The following OTC variants were observed in gnomAD, a reference collection of about 807,000 sequenced individuals.
The protein encoded by OTC is ornithine transcarbamylase.
OTC carries 3 observed loss-of-function variants against 30.3 expected under a neutral mutation model. That is an observed-to-expected ratio of 0.10 (90% CI 0.05 to 0.26). The LOEUF (loss-of-function observed/expected upper bound fraction) is 0.26. Among genes scored for constraint, OTC ranks in the 10% least tolerant of loss-of-function variants. The pLI, the probability that OTC is intolerant of heterozygous loss-of-function variation, is 1.00. For synonymous variants in OTC, 111 were observed against 99.7 expected (o/e 1.11, Z -0.67); for missense variants, 194 against 260.3 (o/e 0.75, Z 1.75).
chrX:38,373,178 C>A (rs1342525414), intron 3 of OTC, among the ~76,000 whole-genome samples: 6 of 112,379 alleles, frequency 5.3e-5, no homozygotes, highest in Non-Finnish European at 1.1e-4. Flanking sequence ...AGAAGCTTCC[C>A]ACTACCCTTC....
At chrX:38,330,168 TA>T in the OTC span, among the ~76,000 whole-genome samples, 1 of 111,461 alleles carries the variant, frequency 9.0e-6, no homozygotes, top group African/African-American at 3.3e-5. Context: ...GTCAGAGAGA[TA>T]CAACAGCGCT....
the OTC span, among the ~76,000 whole-genome samples, chrX:38,341,622 A>T: frequency 5.4e-5 from 6 of 112,101 alleles, no homozygotes; most frequent in Non-Finnish European, 3.8e-5. Flanking sequence ...TCTTCATTAC[A>T]CCGGAAGGCA....
intron 4 of OTC, among the ~76,000 whole-genome samples, chrX:38,381,790 T>G (rs1381340243): frequency 8.9e-6 from 1 of 111,937 alleles, no homozygotes; most frequent in Non-Finnish European, 1.9e-5. Context: ...GTAATAATAT[T>G]AATAACTACT....
At chrX:38,344,388 G>A in the OTC span, among the ~76,000 whole-genome samples, 87 of 110,857 alleles carry the variant, frequency 7.8e-4, 1 homozygote, top group African/African-American at 2.4e-3. Flanking sequence ...AAACAATACC[G>A]TCTCACAACA....
At chrX:38,379,260 A>T (rs112684581) in intron 3 of OTC, among the ~76,000 whole-genome samples, 218 of 111,898 alleles carry the variant, frequency 1.9e-3, no homozygotes, top group African/African-American at 6.7e-3. Flanking sequence ...TCTGTAGATC[A>T]CACTTTGAGC....
chrX:38,384,867 A>G (rs1044341576), intron 4 of OTC, among the ~76,000 whole-genome samples: 3 of 112,733 alleles, frequency 2.7e-5, no homozygotes, highest in African/African-American at 9.7e-5. Context: ...TGCAATTTCC[A>G]TAGTGCCACT....
intron 9 of OTC, among the ~76,000 whole-genome samples, chrX:38,415,050 T>C (rs1339041584): frequency 3.6e-5 from 4 of 110,859 alleles, no homozygotes; most frequent in African/African-American, 1.3e-4. Flanking sequence ...TCCTATTCTA[T>C]AGGCAAATAA....
chrX:38,330,184 G>T, the OTC span, among the ~76,000 whole-genome samples: 1 of 111,768 alleles, frequency 8.9e-6, no homozygotes, highest in Non-Finnish European at 1.9e-5. Flanking sequence ...AGCGCTGGCT[G>T]TGAAGATGAA....
intron 4 of OTC, among the ~76,000 whole-genome samples, chrX:38,384,569 C>T (rs1299049957): frequency 2.7e-5 from 3 of 112,051 alleles, no homozygotes; most frequent in African/African-American, 3.2e-5. Context: ...CCTCAGCAAT[C>T]GCTTCCTTTG....
At position 38,421,204 on chromosome X, in the gene OTC, G is replaced by A. The variant is rs1294367347; in HGVS notation, c.*122G>A. The A allele has an allele frequency of 3.2e-5, 17 of 523,955 alleles. No individual in the cohort carries two copies. Among genetic ancestry groups the A allele is most frequent in the Middle Eastern group, 3.4e-4 (1 of 2,921 alleles). 43.2% of individuals were successfully genotyped at this position (523,955 alleles called of 1,213,427 possible). On this transcript the variant is annotated 3_prime_UTR_variant, in exon 10 of 10. Coordinates refer to ENST00000039007, the MANE Select transcript of OTC (RefSeq NM_000531.6). ...CCCTAACACGTGGTATGGGTGAACC[G>A]TATGATATGCTTTGCCATTGTGAAA...
upstream of OTC, among the ~76,000 whole-genome samples, chrX:38,350,181 G>A (rs2068207423): frequency 9.0e-6 from 1 of 111,496 alleles, no homozygotes; most frequent in Non-Finnish European, 1.9e-5. Flanking sequence ...CAGGTAACAA[G>A]CCCCTCCACC....
At chrX:38,341,050 G>A in the OTC span, among the ~76,000 whole-genome samples, 4 of 111,447 alleles carry the variant, frequency 3.6e-5, no homozygotes, top group African/African-American at 6.5e-5. Context: ...CGCCTGCCTC[G>A]GCCTCCCAAA....
chrX:38,378,655 T>C lies in OTC; in HGVS notation c.299-2687T>C, dbSNP rs770715964. On this transcript the variant is annotated intron_variant, in intron 3 of 9. Transcript: ENST00000039007. Reference sequence around the variant, plus strand: ...ACCAGGCACATATTTTCAGAATGAATGAATTTCAGAATCATACAGTGAGGC... The same window carrying C: ...ACCAGGCACATATTTTCAGAATGAACGAATTTCAGAATCATACAGTGAGGC... 3.6e-5 allele frequency among the ~76,000 whole-genome samples: 4 copies of C among 112,438 alleles called. No individual in the cohort carries two copies. The East Asian group carries it at 8.4e-4, about 24-fold the overall frequency.
the OTC span, among the ~76,000 whole-genome samples, chrX:38,338,996 G>A: frequency 3.6e-5 from 4 of 112,238 alleles, no homozygotes; most frequent in Admixed American, 9.4e-5. Flanking sequence ...TTAGCAGCGG[G>A]TGGAGAAAGG....
chrX:38,419,388 T>C (rs183948336), intron 9 of OTC, among the ~76,000 whole-genome samples: 3 of 112,160 alleles, frequency 2.7e-5, no homozygotes, highest in African/African-American at 9.7e-5. Flanking sequence ...ATTGGAATTT[T>C]GATAGGGGTT....
chrX:38,416,339 A>G (rs760975262), intron 9 of OTC, among the ~76,000 whole-genome samples: 3 of 110,219 alleles, frequency 2.7e-5, no homozygotes, highest in South Asian at 7.5e-4. Context: ...CTTTGTTTAG[A>G]AACAAAAATC....
At chrX:38,386,885 A>G (rs1166404759) in intron 4 of OTC, among the ~76,000 whole-genome samples, 1 of 112,272 alleles carries the variant, frequency 8.9e-6, no homozygotes, top group Non-Finnish European at 1.9e-5. Flanking sequence ...ACTGTTTTTC[A>G]TAGTGGTGGC....
the OTC span, among the ~76,000 whole-genome samples, chrX:38,345,554 T>A: frequency 9.1e-6 from 1 of 109,686 alleles, no homozygotes; most frequent in Non-Finnish European, 1.9e-5. Flanking sequence ...ATTTTTTTTT[T>A]TTTTGAGGCG....
chrX:38,392,845 GC>G (rs1021728605), intron 4 of OTC, among the ~76,000 whole-genome samples: 1 of 112,231 alleles, frequency 8.9e-6, no homozygotes, highest in African/African-American at 3.2e-5. Flanking sequence ...CCTCCAAGGG[GC>G]TTTTTGTGCC....
Sources: gnomAD v4.1 joint callset for allele counts (sites outside exome capture counted in the v4.1 genomes callset) on GRCh38, gnomAD v4.1.1 for gene constraint, MANE v1.5 for transcripts, NCBI Gene and HGNC (gene_info 2026-07-23, HGNC 2026-07-21) for gene names.